Variants in ARHGEF12 observed in about 807,000 individuals in gnomAD.
ARHGEF12 encodes KMT2A/ARHGEF12 fusion protein.
Under a neutral mutation model 211.2 loss-of-function variants are expected in ARHGEF12, and 66 were observed. That is an observed-to-expected ratio of 0.31 (90% confidence interval 0.26 to 0.38). The LOEUF is 0.38. ARHGEF12 is among the 10% of genes least tolerant of loss of function. ARHGEF12 has a pLI of 1.00. For synonymous variants in ARHGEF12, 592 were observed against 638.4 expected, an observed-to-expected ratio of 0.93 and a Z score of 1.09; for missense variants, 1,429 against 1,869.5, an observed-to-expected ratio of 0.76 and a Z score of 4.34.
chr11:120,384,065 A>G (rs774246442), intron 1 of ARHGEF12, among the ~76,000 whole-genome samples: 4 of 152,144 alleles, frequency 2.6e-5, no homozygotes, highest in Non-Finnish European at 5.9e-5. Context: ...CATCAGAGAA[A>G]CTGAGACCTC....
At chr11:120,456,269 C>G (rs1197111791) in intron 22 of ARHGEF12, among the ~76,000 whole-genome samples, 1 of 152,048 alleles carries the variant, frequency 6.6e-6, no homozygotes, top group Non-Finnish European at 1.5e-5. Context: ...GAAGGAAATA[C>G]AATTAGAGGG....
intron 37 of ARHGEF12, 84 bp downstream of exon 37, chr11:120,478,473 C>G: frequency 8.1e-7 from 1 of 1,228,384 alleles, no homozygotes; most frequent in African/African-American, 1.5e-5. Context: ...ATTTATCAAA[C>G]TCCACTTATT....
chr11:120,409,521 T>C (rs986366291), intron 4 of ARHGEF12, 71 bp downstream of exon 4: 9 of 1,452,616 alleles, frequency 6.2e-6, no homozygotes, highest in Non-Finnish European at 8.6e-6. Flanking sequence ...CTGTTCTTTT[T>C]TTCCTTTCTT....
At chr11:120,398,454 A>G (rs976892987) in intron 1 of ARHGEF12, among the ~76,000 whole-genome samples, 2 of 152,236 alleles carry the variant, frequency 1.3e-5, no homozygotes, top group African/African-American at 4.8e-5. Flanking sequence ...TGTAGAAGCC[A>G]GTGTAAAATG....
Position 120,481,588 on chromosome 11 carries a change from TTCCACA to T in ARHGEF12, c.4554+17_4554+22del, listed in dbSNP as rs772882525. On this transcript the variant is annotated intron_variant, in intron 39 of 40. Coordinates refer to ENST00000397843, the MANE Select transcript of ARHGEF12 (RefSeq NM_015313.3). ...TTGAACACTTAAAGGTACCTCATAC[TTCCACA>T]TCCATAGGACTTGGTTGTAAGAAAC... The T allele has an allele frequency of 6.2e-7, 1 of 1,610,668 alleles. No individual in the cohort carries two copies. Among genetic ancestry groups the T allele is most frequent in the South Asian group, 1.1e-5 (1 of 91,010 alleles).
chr11:120,457,676 T>A (rs1946404815), intron 23 of ARHGEF12, 45 bp from the exon 24 acceptor site: 7 of 1,496,890 alleles, frequency 4.7e-6, no homozygotes, highest in Admixed American at 1.9e-5. Context: ...AATGTATTGA[T>A]CACCATTTTG....
rs771427080 is a variant in ARHGEF12, at chr11:120,424,432, C to T, written c.406+17C>T. 1.2e-4 allele frequency: 193 copies of T among 1,610,182 alleles called. 2 individuals are homozygous for T. In the Admixed American group the frequency reaches 3.2e-3, roughly 26 times the overall value. On this transcript the variant is annotated intron_variant, in intron 7 of 40. Transcript: ENST00000397843. The stretch of plus-strand genomic sequence containing the variant: ...TAATCAAATGTAGGTGAATGTTATT[C>T]TTAGTTTTAATTGTTTTCTGAAACC...
intron 11 of ARHGEF12, 52 bp downstream of exon 11, chr11:120,431,963 C>A (rs781032362): frequency 2.2e-5 from 32 of 1,467,414 alleles, no homozygotes; most frequent in Non-Finnish European, 2.9e-5. Context: ...TCTTTACAGC[C>A]CCTTTCTAGA....
At chr11:120,376,243 G>A (rs1217169805) in intron 1 of ARHGEF12, among the ~76,000 whole-genome samples, 1 of 151,754 alleles carries the variant, frequency 6.6e-6, no homozygotes, top group Non-Finnish European at 1.5e-5. Context: ...TACAAATAAT[G>A]TGTTCAGAGT....
rs377091125 is a variant in ARHGEF12 at position 120,485,051 on chromosome 11, T to C, written c.4625-16T>C. The C allele has an allele frequency of 2.3e-4, 369 of 1,612,220 alleles. No individual in the cohort carries two copies. The highest frequency in any genetic ancestry group is 2.8e-4 in the Non-Finnish European group (332 of 1,178,630). ...TTTTTCTTAATATCATTTCCATGTA[T>C]CTTTATTCTTCTCAGATAAAAGTTA... On this transcript the variant is annotated splice_polypyrimidine_tract_variant and intron_variant, in intron 40 of 40. Transcript: ENST00000397843.
At chr11:120,433,691 CACGCCTGT>C (rs1945612439) in intron 11 of ARHGEF12, among the ~76,000 whole-genome samples, 1 of 152,178 alleles carries the variant, frequency 6.6e-6, no homozygotes, top group Non-Finnish European at 1.5e-5. Context: ...CGCCGTGGAT[CACGCCTGT>C]AATCCCAGCA....
At chr11:120,338,788 G>C (rs1942436628) in intron 1 of ARHGEF12, among the ~76,000 whole-genome samples, 1 of 152,132 alleles carries the variant, frequency 6.6e-6, no homozygotes, top group Non-Finnish European at 1.5e-5. Flanking sequence ...ATGCTGAGGT[G>C]TTTAATTTAT....
At chr11:120,467,475 C>T (rs933253385) in intron 29 of ARHGEF12, among the ~76,000 whole-genome samples, 167 bp downstream of exon 29, 2 of 146,112 alleles carry the variant, frequency 1.4e-5, no homozygotes, top group East Asian at 4.0e-4. Flanking sequence ...CAGGGTCTCA[C>T]TCAGTCTTGC....
chr11:120,464,551 C>T (rs1946642028), intron 27 of ARHGEF12: 1 of 151,572 alleles, frequency 6.6e-6, no homozygotes. Context: ...CACTATACTC[C>T]AGCCTGGGCC....
chr11:120,427,222 G>A (rs1456613499), intron 7 of ARHGEF12, among the ~76,000 whole-genome samples: 1 of 151,938 alleles, frequency 6.6e-6, no homozygotes, highest in Non-Finnish European at 1.5e-5. Context: ...CCCGCAATAT[G>A]TCTACTGAAT....
rs761346102 is a variant in ARHGEF12, at chr11:120,476,762, A to G, written c.3365+14A>G. Reference sequence around the variant, plus strand: ...TGAAAAGACTGTGTATGTATCAGATATGGCTACCTTGCTATAGCTAATATT... The same window carrying G: ...TGAAAAGACTGTGTATGTATCAGATGTGGCTACCTTGCTATAGCTAATATT... On this transcript the variant is annotated intron_variant, in intron 34 of 40. Coordinates refer to ENST00000397843, the MANE Select transcript of ARHGEF12 (RefSeq NM_015313.3). 1.3e-6 allele frequency: 2 copies of G among 1,575,174 alleles called. No homozygotes were observed. The highest frequency in any genetic ancestry group is 2.2e-5 in the East Asian group (1 of 44,616).
chr11:120,342,851 G>A (rs573540959), intron 1 of ARHGEF12, among the ~76,000 whole-genome samples: 15 of 152,312 alleles, frequency 9.8e-5, no homozygotes, highest in African/African-American at 3.6e-4. Context: ...GTAGGGTATA[G>A]AAATAATGTT....
intron 1 of ARHGEF12, chr11:120,385,279 G>A: frequency 1.0e-6 from 1 of 985,110 alleles, no homozygotes; most frequent in South Asian, 4.7e-5. Flanking sequence ...GGGGGTGGGA[G>A]AAGAGGTGGG....
In ARHGEF12 at chr11:120,395,767, C is replaced by A. The variant is rs117017170; in HGVS notation, c.33-10351C>A. Among the ~76,000 whole-genome samples, 1,348 of 152,184 alleles carry A rather than the reference C, an allele frequency of 8.9e-3. 89 individuals are homozygous for A. The South Asian group carries it at 0.16, about 18-fold the overall frequency. On this transcript the variant is annotated intron_variant, in intron 1 of 40. Transcript: ENST00000397843. Reference sequence around the variant, plus strand: ...AGAACAGCATGGGAAAAGACCCCCCCCCTTCATGATTCAATTACCTCCCAC... The same window carrying A: ...AGAACAGCATGGGAAAAGACCCCCCACCTTCATGATTCAATTACCTCCCAC...
Sources: allele counts gnomAD v4.1 joint callset (sites outside exome capture counted in the v4.1 genomes callset), GRCh38; gene constraint gnomAD v4.1.1; transcripts MANE v1.5; gene names NCBI Gene and HGNC (gene_info 2026-07-23, HGNC 2026-07-21).